CAT: variants seen among roughly 807,000 people sequenced by gnomAD.
CAT encodes the protein epididymis secretory sperm binding protein.
CAT carries 43 observed loss-of-function variants against 59.0 expected under a neutral mutation model. That is an observed-to-expected ratio of 0.73 (90% CI 0.57 to 0.94). The LOEUF (loss-of-function observed/expected upper bound fraction) is 0.94, where lower values mean the gene tolerates loss of function less well. CAT is among the 40% of genes least tolerant of loss of function. The pLI is 0.00. For synonymous variants in CAT, 218 were observed against 230.9 expected, an observed-to-expected ratio of 0.94 and a Z score of 0.51; for missense variants, 664 against 682.9, an observed-to-expected ratio of 0.97 and a Z score of 0.31.
Position 34,449,279 on chromosome 11 carries a change from G to C in CAT, c.154G>C (p.Val52Leu). 6.2e-7 allele frequency: 1 copy of C among 1,614,038 alleles called. No homozygotes were observed. Among genetic ancestry groups the C allele is most frequent in the Non-Finnish European group, 8.5e-7 (1 of 1,179,876 alleles). ...AGTAGGGCCCCGTGGGCCCCTTCTT[G>C]TTCAGGATGTGGTTTTCACTGATGA... The part of the protein sequence containing the change: ...ITVGPRGPLL[V>L]QDVVFTDEMA... Residue 52 changes from valine to leucine, a missense_variant, in exon 2 of 13, where the codon GTT becomes CTT. By Grantham distance (32) the Val-to-Leu change is conservative. Transcript: ENST00000241052.
chr11:34,456,686 C>T lies in CAT; in HGVS notation c.925C>T (p.Pro309Ser). The T allele has an allele frequency of 3.1e-6, 5 of 1,614,060 alleles. No individual in the cohort carries two copies. Among genetic ancestry groups the T allele is most frequent in the Non-Finnish European group, 4.2e-6 (5 of 1,179,920 alleles). The stretch of plus-strand genomic sequence containing the variant: ...TCAGGTTTGGCCTCACAAGGACTAC[C>T]CTCTCATCCCAGTTGGTAAACTGGT... ...LTKVWPHKDY[P>S]LIPVGKLVLN... Residue 309 changes from proline (P) to serine (S), a missense_variant, in exon 8 of 13, where the codon CCT becomes TCT. Coordinates refer to ENST00000241052, the MANE Select transcript of CAT (RefSeq NM_001752.4).
chr11:34,453,825 G>A lies in CAT; in HGVS notation c.610G>A (p.Gly204Arg). The change falls in exon 6 of 13, where the codon GGG (glycine) becomes AGG (arginine). Residue 204 changes from glycine (G) to arginine (R), a missense_variant. Physicochemically the swap from Gly to Arg is moderately radical, Grantham distance 125. Coordinates refer to ENST00000241052, the MANE Select transcript of CAT (RefSeq NM_001752.4). ...HQVSFLFSDRGIPDGHRHMNG... is the reference protein window; with the variant it reads ...HQVSFLFSDRRIPDGHRHMNG... ...GGTTTCTTTCTTGTTCAGTGATCGG[G>A]GGATTCCAGATGGACATCGCCACAT... The A allele has an allele frequency of 1.2e-6, 2 of 1,613,568 alleles. No individual in the cohort carries two copies. The highest frequency in any genetic ancestry group is 1.7e-6 in the Non-Finnish European group (2 of 1,179,536).
chr11:34,442,628 C>T (rs1787526948), intron 1 of CAT, among the ~76,000 whole-genome samples: 1 of 152,084 alleles, frequency 6.6e-6, no homozygotes, highest in African/African-American at 2.4e-5. Context: ...AAATGTATTC[C>T]TTTCCTACAT....
At chr11:34,462,763 G>C (rs1856665187) in intron 9 of CAT, among the ~76,000 whole-genome samples, 1 of 152,194 alleles carries the variant, frequency 6.6e-6, no homozygotes, top group Non-Finnish European at 1.5e-5. Context: ...GAAGCTCAGT[G>C]AAAGAGCTTA....
At chr11:34,470,361 A>G (rs563368294) in intron 11 of CAT, among the ~76,000 whole-genome samples, 3 of 152,194 alleles carry the variant, frequency 2.0e-5, no homozygotes, top group East Asian at 1.9e-4. Context: ...GGATGTGTGC[A>G]CTAATCCAGA....
chr11:34,444,094 A>C (rs1024426495), intron 1 of CAT, among the ~76,000 whole-genome samples: 3 of 152,178 alleles, frequency 2.0e-5, no homozygotes, highest in Non-Finnish European at 4.4e-5. Context: ...TGACAAATCA[A>C]GTTTCTCAGA....
intron 2 of CAT, among the ~76,000 whole-genome samples, chr11:34,450,335 A>G (rs940746872): frequency 6.6e-6 from 1 of 152,110 alleles, no homozygotes; most frequent in African/African-American, 2.4e-5. Context: ...CTTTTTTCCA[A>G]CAATTTCTGT....
rs1590296108 is a variant in CAT, at chr11:34,439,205, G to A, written c.66+126G>A. Reference sequence around the variant, plus strand: ...CTGTACCGCGGCTCACTGGGCAGGGGGGATCCCCTTCGGTGCAGACGGACT... The same window carrying A: ...CTGTACCGCGGCTCACTGGGCAGGGAGGATCCCCTTCGGTGCAGACGGACT... On this transcript the variant is annotated intron_variant, in intron 1 of 12. Coordinates refer to ENST00000241052, the MANE Select transcript of CAT (RefSeq NM_001752.4). 6 of 907,198 alleles carry A rather than the reference G, an allele frequency of 6.6e-6. No homozygotes were observed. In the East Asian group the frequency reaches 1.6e-4, roughly 24 times the overall value. 56.2% of individuals were successfully genotyped at this position (907,198 alleles called of 1,614,324 possible). A position where few individuals can be genotyped will look rare whatever the true frequency, so the allele number is the denominator to read the frequency against.
At position 34,452,091 on chromosome 11, in the gene CAT, T is replaced by G; in HGVS notation, c.364T>G (p.Ser122Ala). The change falls in exon 4 of 13, where the codon TCA (serine) becomes GCA (alanine). Residue 122 changes from serine to alanine, a missense_variant. By Grantham distance (99) the Ser-to-Ala change is moderately conservative. Transcript: ENST00000241052. ...RFSTVAGESG[S>A]ADTVRDPRGF... ...GAATATTGTAGCTGGAGAATCGGGTTCAGCTGACACAGTTCGGGACCCTCG... is the reference window on the plus strand; with the variant it reads ...GAATATTGTAGCTGGAGAATCGGGTGCAGCTGACACAGTTCGGGACCCTCG... The G allele has an allele frequency of 6.2e-7, 1 of 1,613,938 alleles. No homozygotes were observed.
intron 1 of CAT, among the ~76,000 whole-genome samples, chr11:34,442,928 A>G (rs1856408350): frequency 6.6e-6 from 1 of 152,182 alleles, no homozygotes; most frequent in South Asian, 2.1e-4. Flanking sequence ...TATTATCCAA[A>G]GCGTACATTT....
At chr11:34,456,291 G>A in intron 7 of CAT, 89 bp downstream of exon 7, 1 of 1,021,628 alleles carries the variant, frequency 9.8e-7, no homozygotes, top group Non-Finnish European at 1.5e-6. Context: ...TTATAATAAT[G>A]GGGAAGTCAT....
In CAT at chr11:34,449,283, A is replaced by G; in HGVS notation, c.158A>G (p.Gln53Arg). The part of the protein sequence containing the change: ...TVGPRGPLLV[Q>R]DVVFTDEMAH... ...GGGCCCCGTGGGCCCCTTCTTGTTC[A>G]GGATGTGGTTTTCACTGATGAAATG... Residue 53 changes from glutamine (Q) to arginine (R), a missense_variant, in exon 2 of 13, where the codon CAG becomes CGG. Transcript: ENST00000241052. 1 of 1,614,126 alleles carries G rather than the reference A, an allele frequency of 6.2e-7. No individual in the cohort carries two copies. Among genetic ancestry groups the G allele is most frequent in the Non-Finnish European group, 8.5e-7 (1 of 1,179,946 alleles).
In CAT at chr11:34,439,146, G is replaced by A. The variant is rs145028042; in HGVS notation, c.66+67G>A. 864 of 1,445,718 alleles carry A rather than the reference G, an allele frequency of 6.0e-4. 8 individuals carry two copies. In the African/African-American group the frequency reaches 0.011, roughly 19 times the overall value. 89.6% of individuals were successfully genotyped at this position (1,445,718 alleles called of 1,614,324 possible). On this transcript the variant is annotated intron_variant, in intron 1 of 12. Transcript: ENST00000241052. ...GAAAGCGGGGGCGTCGGCAAGTAAAGGCCCGGCTTCCCCCGGGGCGGCGCT... is the reference window on the plus strand; with the variant it reads ...GAAAGCGGGGGCGTCGGCAAGTAAAAGCCCGGCTTCCCCCGGGGCGGCGCT...
intron 1 of CAT, among the ~76,000 whole-genome samples, chr11:34,443,082 TA>T (rs914323545): frequency 5.3e-5 from 8 of 151,760 alleles, no homozygotes; most frequent in South Asian, 2.1e-4. Context: ...CAGATGGTAT[TA>T]AAAAAAAATC....
chr11:34,455,752 CATAA>C (rs1856580597), intron 6 of CAT, among the ~76,000 whole-genome samples: 1 of 152,024 alleles, frequency 6.6e-6, no homozygotes, highest in South Asian at 2.1e-4. Context: ...TAATAGAATA[CATAA>C]AGGGAAAGAT....
intron 2 of CAT, among the ~76,000 whole-genome samples, chr11:34,450,150 C>T (rs185756272): frequency 1.7e-4 from 26 of 152,252 alleles, no homozygotes; most frequent in East Asian, 9.6e-4. Flanking sequence ...AATGAAACAA[C>T]GTTGAACAAA....
At chr11:34,444,433 A>G (rs1590298469) in intron 1 of CAT, among the ~76,000 whole-genome samples, 2 of 152,232 alleles carry the variant, frequency 1.3e-5, no homozygotes, top group African/African-American at 2.4e-5. Context: ...GTCAATATCT[A>G]GACCACCCTT....
At chr11:34,466,206 G>T (rs562861169) in intron 10 of CAT, among the ~76,000 whole-genome samples, 1 of 152,344 alleles carries the variant, frequency 6.6e-6, no homozygotes, top group South Asian at 2.1e-4. Flanking sequence ...CTCAGTCTCA[G>T]ATTGGATTAA....
intron 10 of CAT, among the ~76,000 whole-genome samples, chr11:34,467,794 A>C (rs1473275040): frequency 6.6e-6 from 1 of 152,228 alleles, no homozygotes; most frequent in Non-Finnish European, 1.5e-5. Context: ...GTCTTGCTTA[A>C]GAAATATTGG....
Sources: allele counts gnomAD v4.1 joint callset (sites outside exome capture counted in the v4.1 genomes callset), GRCh38; gene constraint gnomAD v4.1.1; transcripts MANE v1.5; gene names NCBI Gene and HGNC (gene_info 2026-07-23, HGNC 2026-07-21).